The following LOC128125817 variants were observed in gnomAD, a reference collection of about 807,000 sequenced individuals.
At chr1:41,604,381 AT>A in the LOC128125817 span, among the ~76,000 whole-genome samples, 19 of 152,386 alleles carry the variant, frequency 1.2e-4, no homozygotes, top group East Asian at 3.3e-3. Flanking sequence ...AAAAATATAT[AT>A]CTTACAGATA....
the LOC128125817 span, among the ~76,000 whole-genome samples, chr1:41,616,861 T>A: frequency 6.6e-6 from 1 of 152,238 alleles, no homozygotes; most frequent in African/African-American, 2.4e-5. Flanking sequence ...TGAGCAGTTA[T>A]CCTGTACCAG....
At chr1:41,610,702 C>G in the LOC128125817 span, among the ~76,000 whole-genome samples, 4 of 152,188 alleles carry the variant, frequency 2.6e-5, no homozygotes, top group South Asian at 2.1e-4. Context: ...ACCCAGGGAG[C>G]CCGGTTTAAT....
At chr1:41,590,366 C>G in the LOC128125817 span, among the ~76,000 whole-genome samples, 3 of 152,360 alleles carry the variant, frequency 2.0e-5, no homozygotes, top group East Asian at 3.9e-4. Context: ...CAGCTAGAGG[C>G]TGCCTTTCCC....
chr1:41,622,279 G>A, the LOC128125817 span, among the ~76,000 whole-genome samples: 1 of 152,158 alleles, frequency 6.6e-6, no homozygotes, highest in Non-Finnish European at 1.5e-5. Context: ...CCAGAGTAAA[G>A]GTCCTAATGC....
chr1:41,605,578 T>C, the LOC128125817 span, among the ~76,000 whole-genome samples: 1 of 151,282 alleles, frequency 6.6e-6, no homozygotes, highest in Admixed American at 6.6e-5. Flanking sequence ...TAAGGGGTGG[T>C]AGATGCCATG....
chr1:41,592,847 A>T, the LOC128125817 span, among the ~76,000 whole-genome samples: 1 of 152,114 alleles, frequency 6.6e-6, no homozygotes, highest in Non-Finnish European at 1.5e-5. Context: ...GTGCAGAGAA[A>T]ACTACCCCTG....
the LOC128125817 span, among the ~76,000 whole-genome samples, chr1:41,612,377 A>G: frequency 5.3e-5 from 8 of 152,278 alleles, no homozygotes; most frequent in Middle Eastern, 3.4e-3. Context: ...CCCTGTAGCC[A>G]CTGTCTCATT....
chr1:41,612,336 G>A, the LOC128125817 span, among the ~76,000 whole-genome samples: 5 of 152,150 alleles, frequency 3.3e-5, no homozygotes, highest in Admixed American at 2.0e-4. Flanking sequence ...GCCGCCTTAC[G>A]TTAGTGCAGT....
the LOC128125817 span, among the ~76,000 whole-genome samples, chr1:41,596,307 G>C: frequency 6.6e-6 from 1 of 152,228 alleles, no homozygotes; most frequent in South Asian, 2.1e-4. Flanking sequence ...GCTGGGCCAT[G>C]CTTCCAGGGT....
At chr1:41,621,248 G>A in the LOC128125817 span, among the ~76,000 whole-genome samples, 10 of 152,212 alleles carry the variant, frequency 6.6e-5, no homozygotes, top group African/African-American at 2.2e-4. Flanking sequence ...CTGGCCCCCA[G>A]TATGGGACAG....
the LOC128125817 span, among the ~76,000 whole-genome samples, chr1:41,607,437 G>A: frequency 6.6e-6 from 1 of 152,016 alleles, no homozygotes; most frequent in African/African-American, 2.4e-5. Context: ...TCCTCCAATT[G>A]TGCTATCTTC....
At chr1:41,598,376 C>T in the LOC128125817 span, among the ~76,000 whole-genome samples, 4 of 152,182 alleles carry the variant, frequency 2.6e-5, no homozygotes, top group Non-Finnish European at 5.9e-5. Flanking sequence ...CTTGTGTCTA[C>T]TATGGAGAGC....
At chr1:41,627,245 C>T in the LOC128125817 span, among the ~76,000 whole-genome samples, 1 of 152,178 alleles carries the variant, frequency 6.6e-6, no homozygotes, top group African/African-American at 2.4e-5. Context: ...AGGGGCCTTC[C>T]CCAGCAACCC....
At chr1:41,615,289 C>T in the LOC128125817 span, among the ~76,000 whole-genome samples, 1 of 152,190 alleles carries the variant, frequency 6.6e-6, no homozygotes, top group Non-Finnish European at 1.5e-5. Context: ...CCAAAATCAG[C>T]TCATCTTCTA....
At chr1:41,606,112 T>C in the LOC128125817 span, among the ~76,000 whole-genome samples, 1 of 152,074 alleles carries the variant, frequency 6.6e-6, no homozygotes, top group Non-Finnish European at 1.5e-5. Flanking sequence ...TGGTACTGAC[T>C]CTCTGCTGTG....
At chr1:41,609,675 C>T in the LOC128125817 span, among the ~76,000 whole-genome samples, 2 of 152,252 alleles carry the variant, frequency 1.3e-5, no homozygotes, top group Non-Finnish European at 2.9e-5. Flanking sequence ...GGAGGCCTCA[C>T]CTCTCTCATT....
chr1:41,587,794 C>A, the LOC128125817 span, among the ~76,000 whole-genome samples: 1 of 152,136 alleles, frequency 6.6e-6, no homozygotes, highest in African/African-American at 2.4e-5. Flanking sequence ...CCTCTTGACC[C>A]CCCAGCCAGG....
chr1:41,591,784 G>A, the LOC128125817 span, among the ~76,000 whole-genome samples: 1 of 152,086 alleles, frequency 6.6e-6, no homozygotes, highest in Non-Finnish European at 1.5e-5. Context: ...AAATAGAAGA[G>A]TCACATGAGC....
At chr1:41,617,059 T>C in the LOC128125817 span, among the ~76,000 whole-genome samples, 1 of 152,226 alleles carries the variant, frequency 6.6e-6, no homozygotes, top group Non-Finnish European at 1.5e-5. Flanking sequence ...CCTGTGCTCC[T>C]AACCACTCTA....
Sources: gnomAD v4.1 joint callset for allele counts (sites outside exome capture counted in the v4.1 genomes callset) on GRCh38, gnomAD v4.1.1 for gene constraint, MANE v1.5 for transcripts.